The following PXDN variants were observed in gnomAD, a reference collection of about 807,000 sequenced individuals.
PXDN encodes the protein peroxidasin homolog.
A neutral mutation model predicts 140.3 loss-of-function variants in PXDN; 77 were observed. The observed-to-expected ratio is 0.55, with a 90% CI of 0.46 to 0.66. The LOEUF is 0.66. PXDN is among the 30% of genes least tolerant of loss of function. PXDN has a pLI of 0.00. For missense variants in PXDN, 1,838 were observed against 2,039.5 expected, an observed-to-expected ratio of 0.90 and a Z score of 1.90; for synonymous variants, 911 against 857.4, an observed-to-expected ratio of 1.06 and a Z score of -1.09.
intron 1 of PXDN, among the ~76,000 whole-genome samples, chr2:1,722,240 G>A (rs940022339): frequency 3.3e-5 from 5 of 152,180 alleles, no homozygotes; most frequent in Non-Finnish European, 7.3e-5. Context: ...CCACGTGGAC[G>A]TCTTCACTTT....
intron 8 of PXDN, among the ~76,000 whole-genome samples, chr2:1,675,748 T>C (rs1405153956): frequency 6.7e-6 from 1 of 148,494 alleles, no homozygotes; most frequent in African/African-American, 2.5e-5. Flanking sequence ...CCGGTTTGCC[T>C]CTGGAGTCTG....
At chr2:1,635,146 G>C (rs547805233) in intron 22 of PXDN, among the ~76,000 whole-genome samples, 1 of 151,210 alleles carries the variant, frequency 6.6e-6, no homozygotes, top group East Asian at 1.9e-4. Context: ...AGCAGCCCCA[G>C]GTGGCCCTGC....
At chr2:1,680,742 G>A (rs969691582) in intron 6 of PXDN, among the ~76,000 whole-genome samples, 1 of 152,216 alleles carries the variant, frequency 6.6e-6, no homozygotes, top group Non-Finnish European at 1.5e-5. Context: ...ACAGAAATCA[G>A]TAACATGAAA....
intron 1 of PXDN, among the ~76,000 whole-genome samples, chr2:1,724,957 G>A (rs1368093530): frequency 6.6e-6 from 1 of 152,190 alleles, no homozygotes; most frequent in Non-Finnish European, 1.5e-5. Flanking sequence ...TTTGGGTTGT[G>A]TAGATAGTTA....
chr2:1,743,217 C>G (rs573254353), intron 1 of PXDN, among the ~76,000 whole-genome samples: 9 of 152,304 alleles, frequency 5.9e-5, no homozygotes, highest in African/African-American at 2.2e-4. Flanking sequence ...GACCGTGACG[C>G]GGGACGGCCC....
chr2:1,744,271 G>C lies in PXDN; in HGVS notation c.185C>G (p.Pro62Arg). The C allele has an allele frequency of 1.4e-5, 22 of 1,518,302 alleles. No individual in the cohort carries two copies. The highest frequency in any genetic ancestry group is 1.9e-5 in the Non-Finnish European group (22 of 1,139,146). 94.1% of individuals were successfully genotyped at this position (1,518,302 alleles called of 1,614,324 possible). A position where few individuals can be genotyped will look rare whatever the true frequency, so the allele number is the denominator to read the frequency against. Residue 62 changes from proline to arginine, a missense_variant, in exon 1 of 23, where the codon CCG becomes CGG. By Grantham distance (103) the Pro-to-Arg change is moderately radical. Coordinates refer to ENST00000252804, the MANE Select transcript of PXDN (RefSeq NM_012293.3). ...LLLEAVPAVA[P>R]QTSILDLRFN... ...CGGCACTCACAGGATGGAGGTCTGC[G>C]GCGCCACGGCGGGCACGGCCTCCAG...
At chr2:1,645,975 C>T (rs558857476) in intron 17 of PXDN, 8 of 152,408 alleles carry the variant, frequency 5.2e-5, no homozygotes, top group East Asian at 1.9e-4. Flanking sequence ...GAAGAGACCT[C>T]GCAGTTCCGG....
chr2:1,634,130 C>A lies in PXDN; in HGVS notation c.*74G>T. 1 of 1,535,778 alleles carries A rather than the reference C, an allele frequency of 6.5e-7. No homozygotes were observed. The highest frequency in any genetic ancestry group is 1.2e-5 in the South Asian group (1 of 82,596). ...TTCTGGGTGTTTCCTGGTCTGCAGT[C>A]CGCAGCTCCCTGCCATCGGCCACCC... On this transcript the variant is annotated 3_prime_UTR_variant, in exon 23 of 23. Coordinates refer to ENST00000252804, the MANE Select transcript of PXDN (RefSeq NM_012293.3).
rs1303126627 is a variant in PXDN, at chr2:1,639,274, C to T, written c.4073+28G>A. On this transcript the variant is annotated intron_variant, in intron 20 of 22. Transcript: ENST00000252804. The surrounding 1 kb of genome is among the most constrained non-coding windows in gnomAD (Gnocchi z 5.0). ...CCCGCGGTGCGAGGGCCCCTCTGCA[C>T]ATCATTTGACCTCAGAGACCACCAT... is the stretch of plus-strand genomic sequence containing the variant. 10 of 1,601,950 alleles carry T rather than the reference C, an allele frequency of 6.2e-6. 1 individual carries two copies.
chr2:1,647,321 G>A (rs993533237), intron 17 of PXDN, among the ~76,000 whole-genome samples: 6 of 152,192 alleles, frequency 3.9e-5, no homozygotes, highest in African/African-American at 1.4e-4. Flanking sequence ...TCTCCACTTT[G>A]GGGAATTCTG....
At chr2:1,688,367 C>G (rs1325438394) in intron 3 of PXDN, among the ~76,000 whole-genome samples, 2 of 152,230 alleles carry the variant, frequency 1.3e-5, no homozygotes, top group Non-Finnish European at 2.9e-5. Context: ...TCTGGGGCTG[C>G]GCTGGCGCTG....
intron 1 of PXDN, among the ~76,000 whole-genome samples, chr2:1,696,616 T>G (rs948483734): frequency 6.6e-6 from 1 of 152,160 alleles, no homozygotes; most frequent in Admixed American, 6.6e-5. Flanking sequence ...GAAGAAACAC[T>G]CATACACCAA....
At chr2:1,694,572 C>T (rs994221732) in intron 1 of PXDN, among the ~76,000 whole-genome samples, 2 of 152,220 alleles carry the variant, frequency 1.3e-5, no homozygotes, top group African/African-American at 2.4e-5. Flanking sequence ...CCCGGGTTCG[C>T]TTTCCTCAGT....
At chr2:1,695,286 G>A (rs1489288234) in intron 1 of PXDN, among the ~76,000 whole-genome samples, 1 of 152,228 alleles carries the variant, frequency 6.6e-6, no homozygotes, top group Non-Finnish European at 1.5e-5. Flanking sequence ...ACAGAGAGGT[G>A]CTGTCCCATC....
intron 6 of PXDN, among the ~76,000 whole-genome samples, chr2:1,681,503 C>T (rs554911331): frequency 1.3e-5 from 2 of 151,200 alleles, no homozygotes; most frequent in East Asian, 2.0e-4. Flanking sequence ...GATGGGATCC[C>T]GAGAGGTGCT....
intron 1 of PXDN, among the ~76,000 whole-genome samples, chr2:1,731,392 G>T (rs72763602): frequency 0.051 from 7,716 of 151,918 alleles, 269 homozygotes; most frequent in Non-Finnish European, 0.075. Flanking sequence ...GTTGAGACGT[G>T]TGCTGTCTCT....
At chr2:1,708,652 A>G (rs1402525091) in intron 1 of PXDN, among the ~76,000 whole-genome samples, 1 of 152,144 alleles carries the variant, frequency 6.6e-6, no homozygotes, top group African/African-American at 2.4e-5. Flanking sequence ...AGAAACAGTG[A>G]GAGCTCCCTG....
chr2:1,703,383 G>GCTCCAGGTGAAGGAGGGACAA (rs1350278436), intron 1 of PXDN, among the ~76,000 whole-genome samples: 2 of 39,558 alleles, frequency 5.1e-5, no homozygotes. Flanking sequence ...GTGGGGGACA[G>GCTCCAGGTGAAGGAGGGACAA]CTCCAGGTGA....
chr2:1,658,916 T>G (rs552639398), intron 14 of PXDN, among the ~76,000 whole-genome samples: 1 of 152,122 alleles, frequency 6.6e-6, no homozygotes, highest in African/African-American at 2.4e-5. Context: ...GCCCATGCCT[T>G]GCCCTGCGGT....
Sources: allele counts gnomAD v4.1 joint callset (sites outside exome capture counted in the v4.1 genomes callset), GRCh38; gene constraint gnomAD v4.1.1; non-coding constraint Gnocchi (gnomAD v3.1); transcripts MANE v1.5; gene names NCBI Gene and HGNC (gene_info 2026-07-23, HGNC 2026-07-21).